Variants in FSIP1 observed in about 807,000 individuals in gnomAD.
The protein encoded by FSIP1 is fibrous sheath interacting protein 1.
A neutral mutation model predicts 60.9 loss-of-function variants in FSIP1; 65 were observed. That is an observed-to-expected ratio of 1.07 (90% CI 0.87 to 1.31). The LOEUF is 1.31. FSIP1 is among the 40% of genes most tolerant of loss of function. FSIP1 has a pLI of 0.00. For synonymous variants in FSIP1, 209 were observed against 221.2 expected (o/e 0.94, Z 0.49); for missense variants, 675 against 665.5 (o/e 1.01, Z -0.16).
intron 10 of FSIP1, among the ~76,000 whole-genome samples, chr15:39,673,055 C>T (rs1433376448): frequency 1.3e-5 from 2 of 152,224 alleles, no homozygotes; most frequent in Non-Finnish European, 1.5e-5. Flanking sequence ...AGGATAATCA[C>T]GGAACTTGTC....
intron 11 of FSIP1, among the ~76,000 whole-genome samples, chr15:39,608,618 G>C (rs909514912): frequency 1.3e-5 from 2 of 152,138 alleles, no homozygotes; most frequent in African/African-American, 4.8e-5. Context: ...TTTATTAAAT[G>C]AAGATCTTTG....
chr15:39,618,513 T>A (rs1004695741), intron 10 of FSIP1, among the ~76,000 whole-genome samples: 1 of 152,126 alleles, frequency 6.6e-6, no homozygotes, highest in Admixed American at 6.6e-5. Flanking sequence ...AAAATTGGCA[T>A]ACAAGGCAGA....
chr15:39,720,236 C>A (rs878951702), intron 9 of FSIP1, among the ~76,000 whole-genome samples: 2 of 150,766 alleles, frequency 1.3e-5, no homozygotes, highest in Non-Finnish European at 3.0e-5. Context: ...AGGAAGACAT[C>A]AAAAAAAAAT....
chr15:39,601,830 T>C (rs1198723303), intron 11 of FSIP1, among the ~76,000 whole-genome samples: 1 of 152,124 alleles, frequency 6.6e-6, no homozygotes, highest in Non-Finnish European at 1.5e-5. Flanking sequence ...TTATATGAAA[T>C]GTTCAGACTA....
At chr15:39,694,831 G>T (rs1894749653) in intron 10 of FSIP1, among the ~76,000 whole-genome samples, 1 of 151,108 alleles carries the variant, frequency 6.6e-6, no homozygotes, top group Admixed American at 6.6e-5. Context: ...ATAAAAAAAA[G>T]ATATATATAT....
chr15:39,669,909 A>T (rs993484178), intron 10 of FSIP1, among the ~76,000 whole-genome samples: 3 of 152,240 alleles, frequency 2.0e-5, no homozygotes, highest in Non-Finnish European at 4.4e-5. Context: ...GCTTTATACA[A>T]CTAGTGTCAC....
intron 8 of FSIP1, among the ~76,000 whole-genome samples, chr15:39,728,927 A>G (rs1454070468): frequency 1.3e-5 from 2 of 152,162 alleles, no homozygotes; most frequent in Non-Finnish European, 2.9e-5. Context: ...CAAAGTAGGC[A>G]AAAGACACAA....
At chr15:39,648,027 G>T (rs1307636047) in intron 10 of FSIP1, among the ~76,000 whole-genome samples, 1 of 151,816 alleles carries the variant, frequency 6.6e-6, no homozygotes, top group Non-Finnish European at 1.5e-5. Flanking sequence ...GTGGGGTGGG[G>T]GGAGCGGGGA....
chr15:39,715,519 A>T (rs1895705728), intron 9 of FSIP1, among the ~76,000 whole-genome samples: 1 of 152,180 alleles, frequency 6.6e-6, no homozygotes, highest in South Asian at 2.1e-4. Context: ...ACTAGCAATG[A>T]ATTTCAGTAA....
chr15:39,706,481 A>C (rs1455742038), intron 10 of FSIP1, among the ~76,000 whole-genome samples: 1 of 152,064 alleles, frequency 6.6e-6, no homozygotes, highest in Non-Finnish European at 1.5e-5. Context: ...CCTTGTGATG[A>C]CTCACTCTAT....
chr15:39,716,786 C>A (rs117187944), intron 9 of FSIP1, among the ~76,000 whole-genome samples: 1,600 of 149,394 alleles, frequency 0.011, 16 homozygotes, highest in Non-Finnish European at 0.017. Context: ...TACAAAGGTA[C>A]AACCACTTTG....
At chr15:39,666,211 A>G (rs896212446) in intron 10 of FSIP1, among the ~76,000 whole-genome samples, 1 of 152,216 alleles carries the variant, frequency 6.6e-6, no homozygotes, top group Middle Eastern at 3.2e-3. Context: ...GTGTGTGACT[A>G]AAAATCTAGC....
chr15:39,651,292 G>C (rs892130338), intron 10 of FSIP1, among the ~76,000 whole-genome samples: 1 of 152,204 alleles, frequency 6.6e-6, no homozygotes, highest in Non-Finnish European at 1.5e-5. Context: ...CTCTGGAAAT[G>C]ATGAATGTCA....
intron 11 of FSIP1, among the ~76,000 whole-genome samples, chr15:39,611,052 G>GT (rs1188477182): frequency 6.6e-6 from 1 of 152,188 alleles, no homozygotes; most frequent in Admixed American, 6.5e-5. Flanking sequence ...AATGGTGTAA[G>GT]TAAGACATAG....
chr15:39,707,806 G>C (rs1895338945), intron 10 of FSIP1, among the ~76,000 whole-genome samples: 1 of 152,088 alleles, frequency 6.6e-6, no homozygotes, highest in Non-Finnish European at 1.5e-5. Context: ...GCTACTAAGT[G>C]AGATTCAAAC....
chr15:39,601,925 G>A (rs547437298), intron 11 of FSIP1, among the ~76,000 whole-genome samples: 63 of 152,294 alleles, frequency 4.1e-4, no homozygotes, highest in African/African-American at 1.4e-3. Flanking sequence ...TACCCAAAAT[G>A]TTGCGTTGTC....
At chr15:39,653,702 T>C (rs1224694040) in intron 10 of FSIP1, among the ~76,000 whole-genome samples, 2 of 152,154 alleles carry the variant, frequency 1.3e-5, no homozygotes, top group East Asian at 3.9e-4. Context: ...AGAGATCTGA[T>C]AGCTTTAAAA....
At position 39,696,435 on chromosome 15, in the gene FSIP1, A is replaced by G. The variant is rs552057944; in HGVS notation, c.1188+17009T>C. On this transcript the variant is annotated intron_variant, in intron 10 of 11. Coordinates refer to ENST00000350221, the MANE Select transcript of FSIP1 (RefSeq NM_152597.5). ...CAAAAAAATATAAATTAAAGCAACT[A>G]TATCATTTTTAAACTCTGAGATTGG... Among the ~76,000 whole-genome samples the G allele has an allele frequency of 8.5e-5, 13 of 152,350 alleles. No individual in the cohort carries two copies. In the East Asian group the frequency reaches 1.7e-3, roughly 20 times the overall value.
In FSIP1 at chr15:39,729,660, G is replaced by A. The variant is rs1896329754; in HGVS notation, c.892-2913C>T. 2.0e-5 allele frequency among the ~76,000 whole-genome samples: 3 copies of A among 152,172 alleles called. No individual in the cohort carries two copies. The South Asian group carries it at 6.2e-4, about 32-fold the overall frequency. On this transcript the variant is annotated intron_variant, in intron 8 of 11. Coordinates refer to ENST00000350221, the MANE Select transcript of FSIP1 (RefSeq NM_152597.5). ...CAACCTAAATGCCTTTCAATAGACT[G>A]GATAAAGAAAATTTGGGACATACAC...
Sources: allele counts gnomAD v4.1 joint callset (sites outside exome capture counted in the v4.1 genomes callset), GRCh38; gene constraint gnomAD v4.1.1; transcripts MANE v1.5; gene names NCBI Gene and HGNC (gene_info 2026-07-23, HGNC 2026-07-21).